The following ZFP30 variants were observed in gnomAD, a reference collection of about 807,000 sequenced individuals.
ZFP30 encodes the protein ZFP30 zinc finger protein.
In ZFP30, 16 loss-of-function variants were observed where a neutral mutation model predicts 12.3. That is an observed-to-expected ratio of 1.30 (90% CI 0.88 to 1.98). The LOEUF is 1.98. Among genes scored for constraint, ZFP30 ranks in the 30% most tolerant of loss-of-function variants. The pLI, the probability that ZFP30 is intolerant of heterozygous loss-of-function variation, is 0.00. For synonymous variants in ZFP30, 172 were observed against 201.0 expected (o/e 0.86, Z 1.22); for missense variants, 560 against 611.2 (o/e 0.92, Z 0.88).
intron 3 of ZFP30, among the ~76,000 whole-genome samples, chr19:37,647,169 A>T (rs2044559075): frequency 6.6e-6 from 1 of 152,208 alleles, no homozygotes; most frequent in African/African-American, 2.4e-5. Flanking sequence ...TAAAATGCCC[A>T]CTTCTAGGAA....
chr19:37,648,795 C>G (rs1354296869), intron 2 of ZFP30, among the ~76,000 whole-genome samples: 4 of 152,138 alleles, frequency 2.6e-5, no homozygotes, highest in Non-Finnish European at 2.9e-5. Flanking sequence ...GATCCCTTCC[C>G]CAAGGCTTAA....
intron 5 of ZFP30, among the ~76,000 whole-genome samples, chr19:37,637,400 A>C (rs1429185776): frequency 6.6e-6 from 1 of 151,100 alleles, no homozygotes; most frequent in Admixed American, 6.6e-5. Context: ...CATCTTGGCC[A>C]AGCTGGTCTT....
rs2044250271 is a variant in ZFP30, at chr19:37,632,579, A to C, written c.*2402T>G. On this transcript the variant is annotated 3_prime_UTR_variant, in exon 6 of 6. Transcript: ENST00000684514. ...TTTCCTATAACAATTTTAAAAACAAAAAAGTGTTATTCATTTTAATGTATT... is the reference window on the plus strand; with the variant it reads ...TTTCCTATAACAATTTTAAAAACAACAAAGTGTTATTCATTTTAATGTATT... The C allele has an allele frequency of 6.6e-6, 1 of 151,230 alleles. No homozygotes were observed. The highest frequency in any genetic ancestry group is 2.5e-5 in the African/African-American group (1 of 40,568). 9.4% of individuals were successfully genotyped at this position (151,230 alleles called of 1,614,324 possible).
At chr19:37,639,187 T>C (rs1389686243) in intron 5 of ZFP30, among the ~76,000 whole-genome samples, 1 of 152,108 alleles carries the variant, frequency 6.6e-6, no homozygotes. Context: ...TAAAGTCCAT[T>C]TATGGCCTCA....
chr19:37,639,152 T>C (rs1370886355), intron 5 of ZFP30, among the ~76,000 whole-genome samples: 1 of 152,100 alleles, frequency 6.6e-6, no homozygotes, highest in Non-Finnish European at 1.5e-5. Context: ...ATACAAAATA[T>C]GGCAGTTGTC....
At chr19:37,648,417 T>C (rs995820496) in intron 2 of ZFP30, among the ~76,000 whole-genome samples, 6 of 152,178 alleles carry the variant, frequency 3.9e-5, no homozygotes, top group Non-Finnish European at 7.3e-5. Context: ...TAAAATATAC[T>C]GTTGCCTGGC....
chr19:37,635,031 TA>T lies in ZFP30; in HGVS notation c.1509del (p.Phe503LeufsTer16), dbSNP rs2044291045. The T allele has an allele frequency of 1.3e-6, 2 of 1,590,718 alleles. No individual in the cohort carries two copies. Among genetic ancestry groups the T allele is most frequent in the Non-Finnish European group, 1.7e-6 (2 of 1,171,276 alleles). On this transcript the variant is annotated frameshift_variant, in exon 6 of 6. Transcript: ENST00000684514. LOFTEE classifies it high-confidence loss of function. ...TGGTAAGTAAGATGTGAATGTTGTC[TA>T]AATGCCTTTTTACATTCCTTACATT... ...PYKCKECKKA[F>X]RQHSHLTYHQ...
chr19:37,647,462 A>G (rs1408298271), intron 3 of ZFP30, among the ~76,000 whole-genome samples: 1 of 152,152 alleles, frequency 6.6e-6, no homozygotes, highest in Non-Finnish European at 1.5e-5. Context: ...CTTGGCATTC[A>G]TTCACTCTTT....
chr19:37,635,145 A>G lies in ZFP30; in HGVS notation c.1396T>C (p.Tyr466His). 1 of 1,612,814 alleles carries G rather than the reference A, an allele frequency of 6.2e-7. No homozygotes were observed. Among genetic ancestry groups the G allele is most frequent in the Non-Finnish European group, 8.5e-7 (1 of 1,179,402 alleles). ...GCCTTTCCACATTCCTTACAGTCAT[A>G]GGGCTTTTCACCAGTATGAATACTT... ...HQSIHTGEKPYDCKECGKAFR... is the reference protein window; with the variant it reads ...HQSIHTGEKPHDCKECGKAFR... Residue 466 changes from tyrosine to histidine, a missense_variant, in exon 6 of 6, where the codon TAT becomes CAT. Tyr to His is a moderately conservative substitution (Grantham distance 83). Transcript: ENST00000684514.
rs1167859365 is a variant in ZFP30, at chr19:37,631,694, A to G, written c.*3287T>C. On this transcript the variant is annotated 3_prime_UTR_variant, in exon 6 of 6. Transcript: ENST00000684514. Reference sequence around the variant, plus strand: ...ACATAGAAAGCTAAAAAAAAAAAAAAAAAAAAGACAATAAGCATGAATTGA... The same window carrying G: ...ACATAGAAAGCTAAAAAAAAAAAAAGAAAAAAGACAATAAGCATGAATTGA... The G allele has an allele frequency of 6.6e-6, 1 of 151,742 alleles. No homozygotes were observed. Among genetic ancestry groups the G allele is most frequent in the Admixed American group, 6.6e-5 (1 of 15,238 alleles). The allele number at this position is 151,742 out of a possible 1,614,324, so 9.4% of individuals were successfully genotyped here.
intron 5 of ZFP30, among the ~76,000 whole-genome samples, chr19:37,638,992 G>A (rs2972446): frequency 0.75 from 113,423 of 152,006 alleles, 42,978 homozygotes; most frequent in Middle Eastern, 0.83. Flanking sequence ...AAAAGTATAC[G>A]CTAAAAAGAT....
rs747924294 is a variant in ZFP30 at position 37,635,955 on chromosome 19, T to G, written c.586A>C (p.Arg196=). ...TGTCGACTGAGGTGGGCACACTGTCTAAAGGCTTTTCCACATTCTTTACAT... is the reference window on the plus strand; with the variant it reads ...TGTCGACTGAGGTGGGCACACTGTCGAAAGGCTTTTCCACATTCTTTACAT... ...YECKECGKAF[R]QCAHLSRHQR... Residue 196 remains arginine (R), a synonymous_variant, in exon 6 of 6, where the codon AGA becomes CGA. Coordinates refer to ENST00000684514, the MANE Select transcript of ZFP30 (RefSeq NM_001320669.3). The G allele has an allele frequency of 3.1e-6, 5 of 1,614,210 alleles. No individual in the cohort carries two copies. Among genetic ancestry groups the G allele is most frequent in the Non-Finnish European group, 4.2e-6 (5 of 1,180,026 alleles).
intron 3 of ZFP30, among the ~76,000 whole-genome samples, chr19:37,646,357 T>C (rs2044544138): frequency 6.6e-6 from 1 of 152,146 alleles, no homozygotes; most frequent in Non-Finnish European, 1.5e-5. Context: ...ATATTTAGAA[T>C]TTACATTACA....
intron 2 of ZFP30, among the ~76,000 whole-genome samples, 175 bp downstream of exon 2, chr19:37,654,537 C>T (rs571702585): frequency 5.3e-5 from 8 of 152,166 alleles, no homozygotes; most frequent in African/African-American, 1.9e-4. Context: ...AACTATAGAA[C>T]AGCATGAAGT....
In ZFP30 at chr19:37,633,541, A is replaced by C. The variant is rs1441319631; in HGVS notation, c.*1440T>G. 6.6e-6 allele frequency: 1 copy of C among 151,946 alleles called. No individual in the cohort carries two copies. The highest frequency in any genetic ancestry group is 1.5e-5 in the Non-Finnish European group (1 of 68,020). The allele number at this position is 151,946 out of a possible 1,614,324, so 9.4% of individuals were successfully genotyped here. On this transcript the variant is annotated 3_prime_UTR_variant, in exon 6 of 6. Coordinates refer to ENST00000684514, the MANE Select transcript of ZFP30 (RefSeq NM_001320669.3). Reference sequence around the variant, plus strand: ...GCTAATTTTTGTATTTTTAGTGGAGATGAGGTTTCACCATGATGGTCAGGC... The same window carrying C: ...GCTAATTTTTGTATTTTTAGTGGAGCTGAGGTTTCACCATGATGGTCAGGC...
chr19:37,643,710 T>C (rs1422634815), intron 4 of ZFP30, among the ~76,000 whole-genome samples: 1 of 152,210 alleles, frequency 6.6e-6, no homozygotes, highest in Non-Finnish European at 1.5e-5. Context: ...TTAATGTAAG[T>C]GTTTAGATGA....
rs59250127 is a variant in ZFP30 at position 37,631,680 on chromosome 19, T to TAAAAAAAAAAAAAAAAA, written c.*3284_*3300dup. 2.7e-5 allele frequency: 3 copies of TAAAAAAAAAAAAAAAAA among 111,352 alleles called. No homozygotes were observed. The highest frequency in any genetic ancestry group is 8.9e-5 in the Admixed American group (1 of 11,192). 6.9% of individuals were successfully genotyped at this position (111,352 alleles called of 1,614,324 possible). ...ATTCCATTCTTAATACATAGAAAGCTAAAAAAAAAAAAAAAAAAAAGACAA... is the reference window on the plus strand; with the variant it reads ...ATTCCATTCTTAATACATAGAAAGCTAAAAAAAAAAAAAAAAAAAAAAAAAAAAAAAAAAAAAGACAA... On this transcript the variant is annotated 3_prime_UTR_variant, in exon 6 of 6. Coordinates refer to ENST00000684514, the MANE Select transcript of ZFP30 (RefSeq NM_001320669.3).
intron 2 of ZFP30, among the ~76,000 whole-genome samples, chr19:37,653,873 A>G (rs1048477497): frequency 2.0e-5 from 3 of 152,210 alleles, no homozygotes; most frequent in Admixed American, 2.0e-4. Context: ...CCAAGGACTT[A>G]TGTTACCAAT....
At chr19:37,636,383 G>T in intron 5 of ZFP30, 78 bp from the exon 6 acceptor site, 3 of 1,188,454 alleles carry the variant, frequency 2.5e-6, no homozygotes, top group Non-Finnish European at 3.2e-6. Context: ...ATAGAAATCG[G>T]TGACCAAAAA....
Sources: allele counts gnomAD v4.1 joint callset (sites outside exome capture counted in the v4.1 genomes callset), GRCh38; gene constraint gnomAD v4.1.1; transcripts MANE v1.5; gene names NCBI Gene and HGNC (gene_info 2026-07-23, HGNC 2026-07-21).